The following TMEM143 variants were observed in gnomAD, a reference collection of about 807,000 sequenced individuals.
The protein encoded by TMEM143 is transmembrane protein 143.
A neutral mutation model predicts 40.3 loss-of-function variants in TMEM143; 45 were observed. That is an observed-to-expected ratio of 1.12 (90% CI 0.88 to 1.43). TMEM143 has a LOEUF of 1.43. Among genes scored for constraint, TMEM143 ranks in the 40% most tolerant of loss-of-function variants. The pLI, the probability that TMEM143 is intolerant of heterozygous loss-of-function variation, is 0.00. For missense variants in TMEM143, 620 were observed against 613.4 expected (o/e 1.01, Z -0.11); for synonymous variants, 299 against 282.7 (o/e 1.06, Z -0.58).
Position 48,360,169 on chromosome 19 carries a change from T to A in TMEM143, c.272A>T (p.His91Leu), listed in dbSNP as rs752650842. The A allele has an allele frequency of 8.7e-6, 14 of 1,613,962 alleles. No individual in the cohort carries two copies. The highest frequency in any genetic ancestry group is 1.1e-5 in the Non-Finnish European group (13 of 1,179,942). ...AGCCGCCTTCTCTGCCGGACTCGAG[T>A]GGAATTCCTGTTACCTCAGGAAGCA... ...QLLRLLIQEFHSSPAEKAALE... is the reference protein window; with the variant it reads ...QLLRLLIQEFLSSPAEKAALE... The change falls in exon 3 of 8, where the codon CAC (histidine) becomes CTC (leucine). Residue 91 changes from histidine to leucine, a missense_variant. His to Leu is a moderately conservative substitution (Grantham distance 99). Coordinates refer to ENST00000293261, the MANE Select transcript of TMEM143 (RefSeq NM_018273.4).
chr19:48,356,185 T>G (rs1969887639), intron 3 of TMEM143, among the ~76,000 whole-genome samples: 1 of 151,426 alleles, frequency 6.6e-6, no homozygotes, highest in African/African-American at 2.4e-5. Context: ...TGGCACAATC[T>G]CAGCTCACTG....
At chr19:48,354,631 C>G (rs379086) in intron 3 of TMEM143, among the ~76,000 whole-genome samples, 117,877 of 152,088 alleles carry the variant, frequency 0.78, 45,733 homozygotes, top group Admixed American at 0.85. Flanking sequence ...AGGTACATCT[C>G]TCATGCTGTC....
chr19:48,352,246 C>CAAA (rs1231759805), intron 3 of TMEM143, among the ~76,000 whole-genome samples: 3 of 41,570 alleles, frequency 7.2e-5, no homozygotes, highest in African/African-American at 3.0e-4. Flanking sequence ...GACTCTGTCT[C>CAAA]AAAAAAAAAA....
chr19:48,340,679 A>G (rs1367479020), intron 6 of TMEM143, among the ~76,000 whole-genome samples: 1 of 152,100 alleles, frequency 6.6e-6, no homozygotes, highest in Non-Finnish European at 1.5e-5. Flanking sequence ...TCTTCTCCCC[A>G]GAGGCACCGG....
Position 48,333,222 on chromosome 19 carries a change from G to A in TMEM143, c.1377C>T (p.Ser459=), listed in dbSNP as rs769058350. 2 of 1,484,240 alleles carry A rather than the reference G, an allele frequency of 1.3e-6. No individual in the cohort carries two copies. The highest frequency in any genetic ancestry group is 2.8e-5 in the African/African-American group (2 of 72,006). 91.9% of individuals were successfully genotyped at this position (1,484,240 alleles called of 1,614,324 possible). The change falls in exon 8 of 8, where the codon TCC becomes TCT. Residue 459 remains serine (S), a synonymous_variant. Coordinates refer to ENST00000293261, the MANE Select transcript of TMEM143 (RefSeq NM_018273.4). This position sits in a 1 kb window ranked among gnomAD's most constrained non-coding sequence, Gnocchi z 4.1. ...PPQATPSSNI[S] The stretch of plus-strand genomic sequence containing the variant: ...TGGGCAGGGAGGTAGGTTCTACTCA[G>A]GAGATGTTACTGCTGGGCGTGGCTT...
intron 3 of TMEM143, among the ~76,000 whole-genome samples, chr19:48,351,195 CCT>C (rs1445965025): frequency 6.6e-6 from 1 of 152,130 alleles, no homozygotes; most frequent in Non-Finnish European, 1.5e-5. Context: ...CAAACCTGCT[CCT>C]CTCAGCCTTG....
intron 1 of TMEM143, 61 bp downstream of exon 1, chr19:48,363,837 G>A (rs1569041417): frequency 1.2e-6 from 2 of 1,611,396 alleles, no homozygotes; most frequent in South Asian, 1.1e-5. Context: ...GCTCGTAAAG[G>A]TTACCTAGGG....
chr19:48,346,818 T>TC (rs984141972), intron 3 of TMEM143, among the ~76,000 whole-genome samples: 3 of 151,974 alleles, frequency 2.0e-5, no homozygotes, highest in South Asian at 2.1e-4. Flanking sequence ...CCTCAAGCGA[T>TC]CCCCCCACCT....
At chr19:48,336,515 ACT>A (rs780132234) in intron 6 of TMEM143, among the ~76,000 whole-genome samples, 4 of 151,838 alleles carry the variant, frequency 2.6e-5, no homozygotes, top group Non-Finnish European at 5.9e-5. Context: ...ACAGAGTGGG[ACT>A]CTGTCTCAAA....
rs112999016 is a variant in TMEM143 at position 48,361,374 on chromosome 19, C to T, written c.265-1198G>A. Among the ~76,000 whole-genome samples the T allele has an allele frequency of 9.0e-3, 1,370 of 152,096 alleles. 28 individuals are homozygous for T. Among genetic ancestry groups the T allele is most frequent in the African/African-American group, 0.031 (1,286 of 41,472 alleles). ...CTGGGATTATAGGCGCCTGCCACCA[C>T]GCCTAGCTAATTTTTGTACTTTTAA... On this transcript the variant is annotated intron_variant, in intron 2 of 7. Coordinates refer to ENST00000293261, the MANE Select transcript of TMEM143 (RefSeq NM_018273.4).
chr19:48,334,460 TTCTTTCTTTCTTTCTTTCTTTTTC>T (rs1969312877), intron 6 of TMEM143, among the ~76,000 whole-genome samples: 2 of 45,882 alleles, frequency 4.4e-5, no homozygotes, highest in South Asian at 5.9e-4. Flanking sequence ...CTTTCTTTCT[TTCTTTCTTTCTTTCTTTCTTTTTC>T]TTTCTTTCTT....
intron 6 of TMEM143, among the ~76,000 whole-genome samples, chr19:48,342,276 G>A (rs1205139674): frequency 6.9e-6 from 1 of 144,476 alleles, no homozygotes; most frequent in Non-Finnish European, 1.5e-5. Flanking sequence ...GGAAAGAAGG[G>A]AGGAAGGGAG....
Position 48,333,272 on chromosome 19 carries a change from C to A in TMEM143, c.1327G>T (p.Ala443Ser). The A allele has an allele frequency of 6.5e-7, 1 of 1,545,648 alleles. No individual in the cohort carries two copies. The highest frequency in any genetic ancestry group is 8.8e-7 in the Non-Finnish European group (1 of 1,136,104). ...PPGFPKLDPVAPITSEPPQAT... is the reference protein window; with the variant it reads ...PPGFPKLDPVSPITSEPPQAT... ...TGCGGGGGCTCGGAAGTGATCGGAG[C>A]CACTGGGTCTAGTTTGGGGAAACCC... Residue 443 changes from alanine (A) to serine (S), a missense_variant, in exon 8 of 8, where the codon GCT becomes TCT. Transcript: ENST00000293261. The surrounding 1 kb of genome is among the most constrained non-coding windows in gnomAD (Gnocchi z 4.1).
intron 1 of TMEM143, 49 bp from the exon 2 acceptor site, chr19:48,363,580 C>T: frequency 6.5e-7 from 1 of 1,547,974 alleles, no homozygotes; most frequent in East Asian, 2.3e-5. Flanking sequence ...AGAGGAAAAG[C>T]GCCCTCTCCA....
intron 3 of TMEM143, among the ~76,000 whole-genome samples, chr19:48,352,245 T>TAAAAAAAAAAAAAA (rs1323662673): frequency 2.5e-4 from 2 of 8,060 alleles, no homozygotes; most frequent in Admixed American, 2.2e-3. Flanking sequence ...AGACTCTGTC[T>TAAAAAAAAAAAAAA]CAAAAAAAAA....
chr19:48,333,442 G>C lies in TMEM143; in HGVS notation c.1166-9C>G, dbSNP rs1227583606. 2 of 1,561,112 alleles carry C rather than the reference G, an allele frequency of 1.3e-6. No individual in the cohort carries two copies. Among genetic ancestry groups the C allele is most frequent in the Admixed American group, 1.8e-5 (1 of 54,784 alleles). ...GAGCCACCTGGAGGTCTCTGCAAGG[G>C]GAGAGGCAGGTGTTCTGAGGTCACA... On this transcript the variant is annotated splice_polypyrimidine_tract_variant and intron_variant, in intron 7 of 7. Coordinates refer to ENST00000293261, the MANE Select transcript of TMEM143 (RefSeq NM_018273.4). This position sits in a 1 kb window ranked among gnomAD's most constrained non-coding sequence, Gnocchi z 4.1.
intron 3 of TMEM143, among the ~76,000 whole-genome samples, chr19:48,348,433 G>T (rs1969694555): frequency 6.6e-6 from 1 of 152,080 alleles, no homozygotes; most frequent in Non-Finnish European, 1.5e-5. Flanking sequence ...ATTTCATCCT[G>T]CCTGGGTGAG....
At position 48,333,617 on chromosome 19, in the gene TMEM143, C is replaced by T. The variant is rs1569021246; in HGVS notation, c.1166-184G>A. On this transcript the variant is annotated intron_variant, in intron 7 of 7. Transcript: ENST00000293261. The surrounding 1 kb of genome is among the most constrained non-coding windows in gnomAD (Gnocchi z 4.1). ...GGAGGGTCGAGAGGGCCAGAAGGCC[C>T]AGCTCTGGGGCTTTCGTCTGGGGAC... 6.6e-6 allele frequency among the ~76,000 whole-genome samples: 1 copy of T among 152,154 alleles called. No homozygotes were observed. Among genetic ancestry groups the T allele is most frequent in the Non-Finnish European group, 1.5e-5 (1 of 68,012 alleles).
chr19:48,347,278 C>T (rs1411293484), intron 3 of TMEM143, among the ~76,000 whole-genome samples: 2 of 152,126 alleles, frequency 1.3e-5, no homozygotes, highest in African/African-American at 2.4e-5. Flanking sequence ...TATGAAGCAG[C>T]TTGTTCAGGC....
Sources: allele counts gnomAD v4.1 joint callset (sites outside exome capture counted in the v4.1 genomes callset), GRCh38; gene constraint gnomAD v4.1.1; non-coding constraint Gnocchi (gnomAD v3.1); transcripts MANE v1.5; gene names NCBI Gene and HGNC (gene_info 2026-07-23, HGNC 2026-07-21).